ADGRB3: variants seen among roughly 807,000 people sequenced by gnomAD.
ADGRB3 encodes the protein adhesion G protein-coupled receptor B3.
Under a neutral mutation model 193.4 loss-of-function variants are expected in ADGRB3, and 37 were observed. That is an observed-to-expected ratio of 0.19 (90% CI 0.15 to 0.25). The LOEUF is 0.25. ADGRB3 is among the 10% of genes least tolerant of loss of function. The pLI is 1.00. For missense variants in ADGRB3, 1,637 were observed against 1,852.9 expected (o/e 0.88, Z 2.14); for synonymous variants, 690 against 644.2 (o/e 1.07, Z -1.08).
intron 3 of ADGRB3, among the ~76,000 whole-genome samples, chr6:68,926,773 C>A (rs1481129664): frequency 6.6e-6 from 1 of 151,950 alleles, no homozygotes; most frequent in Non-Finnish European, 1.5e-5. Context: ...TTAATGAATT[C>A]GATTTCACAT....
chr6:68,915,761 G>A (rs1011487149), intron 3 of ADGRB3, among the ~76,000 whole-genome samples: 6 of 151,134 alleles, frequency 4.0e-5, no homozygotes, highest in African/African-American at 9.8e-5. Flanking sequence ...AGCTTTGAGT[G>A]GGAGGGGAAA....
chr6:69,019,031 T>C (rs2150287529), intron 13 of ADGRB3, among the ~76,000 whole-genome samples: 1 of 152,162 alleles, frequency 6.6e-6, no homozygotes, highest in Admixed American at 6.6e-5. Context: ...TTTTTCTGAA[T>C]ATGTTCCAGT....
Position 69,261,727 on chromosome 6 carries a change from T to C in ADGRB3, c.2814+22501T>C, listed in dbSNP as rs547994298. Among the ~76,000 whole-genome samples the C allele has an allele frequency of 1.5e-4, 23 of 152,150 alleles. No individual in the cohort carries two copies. In the South Asian group the frequency reaches 3.7e-3, roughly 25 times the overall value. ...TAAATATTTGGTTTATGTTATATAG[T>C]ACTTATTTCAGTAATCCAAATTGTA... is the stretch of plus-strand genomic sequence containing the variant. On this transcript the variant is annotated intron_variant, in intron 20 of 31. Coordinates refer to ENST00000370598, the MANE Select transcript of ADGRB3 (RefSeq NM_001704.3).
At chr6:68,828,734 C>T (rs1041481892) in intron 3 of ADGRB3, among the ~76,000 whole-genome samples, 1 of 152,120 alleles carries the variant, frequency 6.6e-6, no homozygotes, top group Non-Finnish European at 1.5e-5. Flanking sequence ...ACATAAGCTA[C>T]TCAATCAAAT....
intron 7 of ADGRB3, among the ~76,000 whole-genome samples, chr6:68,956,413 T>C (rs976640462): frequency 1.3e-5 from 2 of 152,110 alleles, no homozygotes; most frequent in African/African-American, 4.8e-5. Context: ...ATTCAGGAGA[T>C]GAACTACGAA....
chr6:69,226,923 T>A (rs1381786675), intron 17 of ADGRB3, among the ~76,000 whole-genome samples: 1 of 152,198 alleles, frequency 6.6e-6, no homozygotes, highest in Non-Finnish European at 1.5e-5. Flanking sequence ...GGCTAACAAG[T>A]CACACATCAT....
chr6:68,849,239 G>T (rs1335358915), intron 3 of ADGRB3, among the ~76,000 whole-genome samples: 7 of 151,760 alleles, frequency 4.6e-5, no homozygotes, highest in African/African-American at 1.7e-4. Context: ...GTATTAATAC[G>T]TTTAAATATA....
chr6:69,042,659 C>T (rs886084460), intron 13 of ADGRB3, among the ~76,000 whole-genome samples: 5 of 152,070 alleles, frequency 3.3e-5, no homozygotes, highest in African/African-American at 1.2e-4. Context: ...CTCTCCTGAC[C>T]CTATATTTTT....
chr6:68,824,517 T>C (rs1767806387), intron 3 of ADGRB3, among the ~76,000 whole-genome samples: 1 of 148,566 alleles, frequency 6.7e-6, no homozygotes, highest in Non-Finnish European at 1.5e-5. Context: ...TTCCTATACA[T>C]ATAATATATA....
At chr6:68,879,275 G>A (rs1359978162) in intron 3 of ADGRB3, among the ~76,000 whole-genome samples, 8 of 139,216 alleles carry the variant, frequency 5.7e-5, no homozygotes, top group East Asian at 2.3e-4. Context: ...GGAGTGCAGT[G>A]GCAGGATCTC....
intron 13 of ADGRB3, among the ~76,000 whole-genome samples, chr6:69,036,826 A>G (rs1770886147): frequency 6.6e-6 from 1 of 152,212 alleles, no homozygotes; most frequent in Non-Finnish European, 1.5e-5. Context: ...AGCCATGCAG[A>G]GCTTTGTAGG....
chr6:68,675,829 G>T (rs1582115727), intron 3 of ADGRB3, among the ~76,000 whole-genome samples: 1 of 152,134 alleles, frequency 6.6e-6, no homozygotes, highest in East Asian at 1.9e-4. Context: ...TTCAGACAGG[G>T]TCTTCAGTCA....
intron 17 of ADGRB3, among the ~76,000 whole-genome samples, chr6:69,120,667 G>A (rs1368978717): frequency 6.6e-6 from 1 of 152,168 alleles, no homozygotes; most frequent in East Asian, 1.9e-4. Context: ...ATGGTAGCCT[G>A]GAGATGGTAG....
chr6:68,947,223 G>A (rs1295642774), intron 6 of ADGRB3, among the ~76,000 whole-genome samples: 1 of 151,802 alleles, frequency 6.6e-6, no homozygotes, highest in Non-Finnish European at 1.5e-5. Context: ...ATTATGGAAA[G>A]GTGCATGTTT....
At chr6:69,182,471 C>A (rs980348894) in intron 17 of ADGRB3, among the ~76,000 whole-genome samples, 1 of 151,262 alleles carries the variant, frequency 6.6e-6, no homozygotes, top group East Asian at 1.9e-4. Flanking sequence ...TCTGAGGAAC[C>A]TAGAGCTGCA....
chr6:69,326,497 G>T (rs1768572335), intron 21 of ADGRB3, among the ~76,000 whole-genome samples: 1 of 152,088 alleles, frequency 6.6e-6, no homozygotes, highest in Non-Finnish European at 1.5e-5. Flanking sequence ...TGAGGAGAGG[G>T]TTCACAGACA....
intron 17 of ADGRB3, among the ~76,000 whole-genome samples, chr6:69,093,034 G>A (rs1582454887): frequency 1.3e-5 from 2 of 151,328 alleles, no homozygotes; most frequent in South Asian, 4.2e-4. Flanking sequence ...GAACAGCCTA[G>A]GTTCAGTGGA....
At chr6:69,063,154 C>T (rs1056110755) in intron 16 of ADGRB3, 118 bp downstream of exon 16, 2 of 676,644 alleles carry the variant, frequency 3.0e-6, no homozygotes, top group Non-Finnish European at 5.0e-6. Flanking sequence ...AATATATTAA[C>T]TTGTTATGAG....
intron 17 of ADGRB3, among the ~76,000 whole-genome samples, chr6:69,086,662 G>A (rs1250585855): frequency 6.6e-6 from 1 of 152,066 alleles, no homozygotes; most frequent in Admixed American, 6.6e-5. Context: ...AATAGGAGTG[G>A]CAATGAAGAA....
Sources: allele counts gnomAD v4.1 joint callset (sites outside exome capture counted in the v4.1 genomes callset), GRCh38; gene constraint gnomAD v4.1.1; transcripts MANE v1.5; gene names NCBI Gene and HGNC (gene_info 2026-07-23, HGNC 2026-07-21).